AGBL4: variants seen among roughly 807,000 people sequenced by gnomAD.
AGBL4 encodes cytosolic carboxypeptidase 6.
Under a neutral mutation model 66.4 loss-of-function variants are expected in AGBL4, and 58 were observed. The observed-to-expected ratio is 0.87, with a 90% confidence interval of 0.71 to 1.09. The LOEUF is 1.09. AGBL4 is among the 50% of genes least tolerant of loss of function. AGBL4 has a pLI of 0.00. For missense variants in AGBL4, 579 were observed against 631.0 expected (o/e 0.92, Z 0.88); for synonymous variants, 234 against 222.9 (o/e 1.05, Z -0.44).
intron 3 of AGBL4, among the ~76,000 whole-genome samples, chr1:49,671,194 T>C (rs2124524769): frequency 6.6e-6 from 1 of 152,086 alleles, no homozygotes; most frequent in South Asian, 2.1e-4. Context: ...CACATGACCA[T>C]CTGATGTTTG....
intron 4 of AGBL4, among the ~76,000 whole-genome samples, chr1:49,100,156 A>T (rs1645175280): frequency 6.6e-6 from 1 of 152,208 alleles, no homozygotes; most frequent in Non-Finnish European, 1.5e-5. Flanking sequence ...AGAAAGAAGT[A>T]GGAGTTGATG....
intron 3 of AGBL4, among the ~76,000 whole-genome samples, chr1:49,332,676 T>C (rs1414609904): frequency 6.6e-6 from 1 of 152,196 alleles, no homozygotes; most frequent in East Asian, 1.9e-4. Context: ...AACATCAAGT[T>C]TAACAAGCCA....
chr1:49,580,866 C>A (rs1186064565), intron 3 of AGBL4, among the ~76,000 whole-genome samples: 1 of 152,058 alleles, frequency 6.6e-6, no homozygotes, highest in Non-Finnish European at 1.5e-5. Flanking sequence ...CCCTGTGTTT[C>A]CCTAAAAATT....
At chr1:49,901,448 CA>C (rs1269136548) in intron 1 of AGBL4, among the ~76,000 whole-genome samples, 1 of 151,792 alleles carries the variant, frequency 6.6e-6, no homozygotes, top group South Asian at 2.1e-4. Flanking sequence ...CACATTGTCA[CA>C]AAAAAAGAAT....
intron 1 of AGBL4, among the ~76,000 whole-genome samples, chr1:49,924,164 T>C (rs1339206209): frequency 6.6e-6 from 1 of 152,170 alleles, no homozygotes; most frequent in African/African-American, 2.4e-5. Context: ...CTGGGGGCCA[T>C]TATCCTTAGC....
In AGBL4 at chr1:49,245,829, G is replaced by C; in HGVS notation, c.318C>G (p.Thr106=). 5 of 1,549,406 alleles carry C rather than the reference G, an allele frequency of 3.2e-6. No individual in the cohort carries two copies. The highest frequency in any genetic ancestry group is 4.4e-6 in the Non-Finnish European group (5 of 1,145,442). ...CCATCCCATCTCTATAGAGACTCTT[G>C]GTTTTACTGAAGTTAACAATGTTGA... The part of the protein sequence containing the change: ...VIFNIVNFSK[T]KSLYRDGMAP... Residue 106 remains threonine (T), a synonymous_variant, in exon 4 of 14, where the codon ACC becomes ACG. Coordinates refer to ENST00000371839, the MANE Select transcript of AGBL4 (RefSeq NM_032785.4).
At chr1:49,341,549 G>A (rs1405685410) in intron 3 of AGBL4, among the ~76,000 whole-genome samples, 1 of 152,098 alleles carries the variant, frequency 6.6e-6, no homozygotes. Context: ...GGGGTTAGAG[G>A]CCCACCTCAG....
intron 1 of AGBL4, among the ~76,000 whole-genome samples, chr1:49,952,710 C>A (rs1656267328): frequency 6.6e-6 from 1 of 151,842 alleles, no homozygotes; most frequent in South Asian, 2.1e-4. Context: ...AGACTGCCTA[C>A]AGAAGACAGT....
At chr1:49,952,584 C>T (rs528917230) in intron 1 of AGBL4, among the ~76,000 whole-genome samples, 5 of 151,938 alleles carry the variant, frequency 3.3e-5, no homozygotes, top group Admixed American at 2.0e-4. Context: ...AGCCAATATC[C>T]AAATTCAGCA....
intron 3 of AGBL4, among the ~76,000 whole-genome samples, chr1:49,473,778 T>C (rs1234156799): frequency 6.6e-6 from 1 of 152,098 alleles, no homozygotes; most frequent in African/African-American, 2.4e-5. Flanking sequence ...TACACATTAG[T>C]CTTTAATCCA....
At chr1:49,498,959 C>T (rs756256519) in intron 3 of AGBL4, among the ~76,000 whole-genome samples, 16 of 152,020 alleles carry the variant, frequency 1.1e-4, no homozygotes, top group Non-Finnish European at 1.6e-4. Context: ...ATTTAGGTTG[C>T]TAACATTTTG....
At chr1:48,677,140 A>G (rs1646378725) in intron 6 of AGBL4, among the ~76,000 whole-genome samples, 1 of 152,304 alleles carries the variant, frequency 6.6e-6, no homozygotes, top group Admixed American at 6.5e-5. Context: ...TCAGAACAAC[A>G]GGCAAGGGTG....
intron 9 of AGBL4, among the ~76,000 whole-genome samples, chr1:48,613,881 T>C (rs1162105867): frequency 6.6e-6 from 1 of 152,264 alleles, no homozygotes; most frequent in African/African-American, 2.4e-5. Context: ...TGCAGAAATG[T>C]ATTCTTCATT....
At chr1:49,207,874 T>C (rs775740501) in intron 4 of AGBL4, among the ~76,000 whole-genome samples, 23 of 152,046 alleles carry the variant, frequency 1.5e-4, no homozygotes, top group Non-Finnish European at 2.2e-4. Flanking sequence ...CCACTCAACC[T>C]CATTCCTGCT....
intron 3 of AGBL4, among the ~76,000 whole-genome samples, chr1:49,672,342 G>T (rs919007266): frequency 2.0e-5 from 3 of 151,874 alleles, no homozygotes; most frequent in Non-Finnish European, 4.4e-5. Context: ...GTCTACTTGA[G>T]GGGGGAGGGT....
intron 5 of AGBL4, among the ~76,000 whole-genome samples, chr1:48,919,958 T>C (rs1653944326): frequency 6.6e-6 from 1 of 152,192 alleles, no homozygotes; most frequent in Non-Finnish European, 1.5e-5. Context: ...GCTCAGTATA[T>C]GTAATCCATG....
At chr1:48,894,859 C>T (rs1377991103) in intron 5 of AGBL4, among the ~76,000 whole-genome samples, 1 of 152,110 alleles carries the variant, frequency 6.6e-6, no homozygotes, top group African/African-American at 2.4e-5. Context: ...GTTTCCAGTA[C>T]GTAGGGAGAC....
At chr1:48,530,179 C>T (rs149468378), downstream of AGBL4, among the ~76,000 whole-genome samples, 43 of 152,294 alleles carry the variant, frequency 2.8e-4, no homozygotes, top group African/African-American at 9.9e-4. Context: ...CAGGTTCTCA[C>T]TAGCCACATG....
chr1:49,856,114 T>C (rs987355534), intron 1 of AGBL4, among the ~76,000 whole-genome samples: 1 of 152,000 alleles, frequency 6.6e-6, no homozygotes, highest in Non-Finnish European at 1.5e-5. Context: ...TGAACAACCA[T>C]GTGCTATCAA....
Sources: allele counts gnomAD v4.1 joint callset (sites outside exome capture counted in the v4.1 genomes callset), GRCh38; gene constraint gnomAD v4.1.1; transcripts MANE v1.5; gene names NCBI Gene and HGNC (gene_info 2026-07-23, HGNC 2026-07-21).